Variants in CDH2 observed in about 807,000 individuals in gnomAD.
The protein encoded by CDH2 is cadherin 2.
In CDH2, 17 loss-of-function variants were observed where a neutral mutation model predicts 92.0. The ratio of observed to expected loss-of-function variants is 0.18; its 90% CI spans 0.13 to 0.28. The LOEUF (loss-of-function observed/expected upper bound fraction) is 0.28. Ranked by LOEUF, CDH2 falls within the 10% of genes least tolerant of loss-of-function variation. CDH2 has a pLI of 1.00. For missense variants in CDH2, 862 were observed against 1,133.1 expected (o/e 0.76, Z 3.44); for synonymous variants, 419 against 415.9 (o/e 1.01, Z -0.09).
rs1361780197 is a variant in CDH2 at position 28,173,347 on chromosome 18, A to G, written c.60+3616T>C. Among the ~76,000 whole-genome samples, 3 of 152,160 alleles carry G rather than the reference A, an allele frequency of 2.0e-5. No individual in the cohort carries two copies. In the East Asian group the frequency reaches 5.8e-4, roughly 29 times the overall value. On this transcript the variant is annotated intron_variant, in intron 1 of 15. Transcript: ENST00000269141. ...AGTTAAGAAAAGCAAAGAAATATAC[A>G]TAACTGTGTCTAGTAAGTAAACTCT...
chr18:28,107,318 C>CTGTGTTT (rs2015338075), intron 2 of CDH2, among the ~76,000 whole-genome samples: 1 of 151,986 alleles, frequency 6.6e-6, no homozygotes, highest in Non-Finnish European at 1.5e-5. Context: ...TCAAAACCTA[C>CTGTGTTT]CAATACTGTG....
chr18:28,008,889 A>G (rs2013018541), intron 5 of CDH2, among the ~76,000 whole-genome samples: 1 of 152,066 alleles, frequency 6.6e-6, no homozygotes, highest in African/African-American at 2.4e-5. Flanking sequence ...AGTGTAGATG[A>G]TGGATCAATG....
chr18:28,015,509 A>C (rs192770907), intron 2 of CDH2, among the ~76,000 whole-genome samples: 9 of 152,316 alleles, frequency 5.9e-5, no homozygotes, highest in Non-Finnish European at 1.2e-4. Flanking sequence ...TAAAGACAAA[A>C]AATGAAATGT....
chr18:28,105,088 G>A (rs1330663630), intron 2 of CDH2, among the ~76,000 whole-genome samples: 1 of 151,888 alleles, frequency 6.6e-6, no homozygotes, highest in Non-Finnish European at 1.5e-5. Flanking sequence ...GTGTGTCCTT[G>A]GGCAAGTCAT....
intron 9 of CDH2, among the ~76,000 whole-genome samples, chr18:27,991,168 T>G (rs554094072): frequency 5.9e-5 from 9 of 152,324 alleles, no homozygotes; most frequent in African/African-American, 2.2e-4. Flanking sequence ...CATTCACTCT[T>G]AATTTTCCTT....
chr18:28,016,922 T>C (rs2013265564), intron 2 of CDH2, among the ~76,000 whole-genome samples: 1 of 152,212 alleles, frequency 6.6e-6, no homozygotes, highest in African/African-American at 2.4e-5. Flanking sequence ...GTGTATCACA[T>C]TTATTGACTT....
In CDH2 at chr18:27,990,113, T is replaced by C; in HGVS notation, c.1582A>G (p.Met528Val). The C allele has an allele frequency of 1.2e-6, 2 of 1,613,976 alleles. No individual in the cohort carries two copies. Among genetic ancestry groups the C allele is most frequent in the Non-Finnish European group, 1.7e-6 (2 of 1,179,824 alleles). ...ATTTCATACCTAATATTTTGCTGCA[T>C]ATATCGATCTGGGTCCTGAGCAGTG... is the stretch of plus-strand genomic sequence containing the variant. ...TFTAQDPDRY[M>V]QQNIRYTKLS... The change falls in exon 10 of 16, where the codon ATG (methionine) becomes GTG (valine). Residue 528 changes from methionine (M) to valine (V), a missense_variant. By Grantham distance (21) the Met-to-Val change is conservative. Transcript: ENST00000269141.
At chr18:27,972,402 T>C (rs921793308) in intron 14 of CDH2, among the ~76,000 whole-genome samples, 2 of 152,158 alleles carry the variant, frequency 1.3e-5, no homozygotes, top group African/African-American at 4.8e-5. Flanking sequence ...ATATGACCTC[T>C]ATCACAGTGC....
chr18:28,086,844 T>C (rs534852874), intron 2 of CDH2, among the ~76,000 whole-genome samples: 2 of 152,102 alleles, frequency 1.3e-5, no homozygotes, highest in Non-Finnish European at 2.9e-5. Flanking sequence ...TCATAATGAG[T>C]TCTTTTCTCT....
At chr18:28,043,459 TAA>T (rs1491234171) in intron 2 of CDH2, among the ~76,000 whole-genome samples, 3,641 of 52,406 alleles carry the variant, frequency 0.069, 111 homozygotes, top group South Asian at 0.16. Flanking sequence ...CTGATATAAA[TAA>T]ATATATATAT....
intron 2 of CDH2, among the ~76,000 whole-genome samples, chr18:28,122,317 T>C (rs904366427): frequency 6.6e-6 from 1 of 152,174 alleles, no homozygotes; most frequent in Admixed American, 6.6e-5. Context: ...GAAAAGCTTA[T>C]GGAAAGCAAG....
At position 28,147,795 on chromosome 18, in the gene CDH2, A is replaced by AT; in HGVS notation, c.61-12_61-11insA. 1.4e-6 allele frequency: 2 copies of AT among 1,456,052 alleles called. No homozygotes were observed. The highest frequency in any genetic ancestry group is 1.9e-6 in the Non-Finnish European group (2 of 1,055,452). The allele number at this position is 1,456,052 out of a possible 1,614,324, so 90.2% of individuals were successfully genotyped here. The stretch of plus-strand genomic sequence containing the variant: ...AGCCTCTACAGACGCCTGCAACACA[A>AT]GAAAAAAAAAAAAAATGTGTGCAAT... On this transcript the variant is annotated splice_polypyrimidine_tract_variant and intron_variant, in intron 1 of 15. Coordinates refer to ENST00000269141, the MANE Select transcript of CDH2 (RefSeq NM_001792.5).
intron 11 of CDH2, among the ~76,000 whole-genome samples, chr18:27,987,405 T>C (rs933623653): frequency 2.6e-5 from 4 of 152,222 alleles, no homozygotes; most frequent in African/African-American, 9.6e-5. Flanking sequence ...ATAGATTTTC[T>C]ACAGATAGTA....
At chr18:27,999,212 T>G (rs1165492294) in intron 7 of CDH2, among the ~76,000 whole-genome samples, 1 of 152,148 alleles carries the variant, frequency 6.6e-6, no homozygotes, top group East Asian at 1.9e-4. Context: ...AATGAGTGGT[T>G]GGGCATCATT....
intron 2 of CDH2, among the ~76,000 whole-genome samples, chr18:28,110,320 C>G (rs11564388): frequency 0.045 from 6,852 of 152,258 alleles, 180 homozygotes; most frequent in South Asian, 0.081. Context: ...TAAATTATTT[C>G]TTGAGAATGA....
At chr18:28,051,831 A>G (rs1477940668) in intron 2 of CDH2, among the ~76,000 whole-genome samples, 1 of 152,188 alleles carries the variant, frequency 6.6e-6, no homozygotes, top group Non-Finnish European at 1.5e-5. Context: ...AATGATAATT[A>G]TGTCATAGCA....
intron 1 of CDH2, among the ~76,000 whole-genome samples, chr18:28,158,055 G>T (rs2144347973): frequency 6.6e-6 from 1 of 152,264 alleles, no homozygotes; most frequent in East Asian, 1.9e-4. Context: ...AAAACCTGGA[G>T]CATGGTTTCA....
intron 2 of CDH2, among the ~76,000 whole-genome samples, chr18:28,056,388 T>TA (rs1401753672): frequency 3.9e-5 from 6 of 152,298 alleles, no homozygotes; most frequent in African/African-American, 1.4e-4. Flanking sequence ...CAGGAAATGG[T>TA]AAAAGGCTTT....
intron 6 of CDH2, among the ~76,000 whole-genome samples, chr18:27,934,260 G>T (rs1323458934): frequency 6.6e-6 from 1 of 152,142 alleles, no homozygotes; most frequent in Non-Finnish European, 1.5e-5. Flanking sequence ...GCTGCTGTCT[G>T]TATCGATGTC....
Sources: allele counts gnomAD v4.1 joint callset (sites outside exome capture counted in the v4.1 genomes callset), GRCh38; gene constraint gnomAD v4.1.1; transcripts MANE v1.5; gene names NCBI Gene and HGNC (gene_info 2026-07-23, HGNC 2026-07-21).